PTPA: variants seen among roughly 807,000 people sequenced by gnomAD.
The protein encoded by PTPA is serine/threonine-protein phosphatase 2A activator.
PTPA carries 13 observed loss-of-function variants against 43.6 expected under a neutral mutation model. That is an observed-to-expected ratio of 0.30 (90% CI 0.19 to 0.47). The LOEUF (loss-of-function observed/expected upper bound fraction) is 0.47. Among genes scored for constraint, PTPA ranks in the 20% least tolerant of loss-of-function variants. PTPA has a pLI of 0.99. For missense variants in PTPA, 329 were observed against 411.9 expected, an observed-to-expected ratio of 0.80 and a Z score of 1.74; for synonymous variants, 172 against 158.2, an observed-to-expected ratio of 1.09 and a Z score of -0.66.
At chr9:129,123,830 T>G (rs1849409255) in intron 3 of PTPA, among the ~76,000 whole-genome samples, 2 of 151,952 alleles carry the variant, frequency 1.3e-5, no homozygotes, top group Non-Finnish European at 2.9e-5. Flanking sequence ...ATTACAGGCG[T>G]GTGCCACCAC....
chr9:129,117,307 G>A (rs1484984479), intron 1 of PTPA, among the ~76,000 whole-genome samples: 3 of 151,992 alleles, frequency 2.0e-5, no homozygotes, highest in Non-Finnish European at 4.4e-5. Flanking sequence ...TCGGCCTCCC[G>A]AAGTTTTGGG....
At position 129,138,175 on chromosome 9, in the gene PTPA, C is replaced by T. The variant is rs1379762848; in HGVS notation, c.786+483C>T. ...CTCTGTCAGTGCCTGAGGACGTGGGCCCGAGCAAAGTGCTGGAGTGGGAGT... is the reference window on the plus strand; with the variant it reads ...CTCTGTCAGTGCCTGAGGACGTGGGTCCGAGCAAAGTGCTGGAGTGGGAGT... On this transcript the variant is annotated intron_variant, in intron 8 of 9. Transcript: ENST00000393370. 5 of 215,598 alleles carry T rather than the reference C, an allele frequency of 2.3e-5. No homozygotes were observed. The East Asian group carries it at 4.3e-4, about 19-fold the overall frequency. The allele number at this position is 215,598 out of a possible 1,614,324, so 13.4% of individuals were successfully genotyped here. A position where few individuals can be genotyped will look rare whatever the true frequency, so the allele number is the denominator to read the frequency against.
At chr9:129,142,836 G>T in intron 9 of PTPA, 1 of 1,532,528 alleles carries the variant, frequency 6.5e-7, no homozygotes, top group Non-Finnish European at 8.7e-7. Flanking sequence ...GGGAGTGGGG[G>T]CGATGGGGGC....
At chr9:129,139,434 T>C (rs1303342709) in intron 8 of PTPA, 1 of 152,098 alleles carries the variant, frequency 6.6e-6, no homozygotes, top group Non-Finnish European at 1.5e-5. Context: ...TTCCGCACCT[T>C]CTCCACAGGT....
At chr9:129,135,134 C>T (rs1353991125) in intron 6 of PTPA, among the ~76,000 whole-genome samples, 5 of 152,208 alleles carry the variant, frequency 3.3e-5, no homozygotes. Context: ...GTGGCTCACG[C>T]CTGTAATCCC....
chr9:129,126,110 C>T (rs1165617561), intron 3 of PTPA, among the ~76,000 whole-genome samples: 8 of 151,970 alleles, frequency 5.3e-5, no homozygotes, highest in Admixed American at 5.2e-4. Flanking sequence ...GATGGTGCCA[C>T]TGCACTCCAG....
chr9:129,125,227 G>A (rs912431082), intron 3 of PTPA, among the ~76,000 whole-genome samples: 1 of 151,990 alleles, frequency 6.6e-6, no homozygotes, highest in Non-Finnish European at 1.5e-5. Flanking sequence ...ATTGCCCGTG[G>A]CTTTGATGGT....
At chr9:129,115,352 G>T (rs926882886) in intron 1 of PTPA, among the ~76,000 whole-genome samples, 1 of 152,106 alleles carries the variant, frequency 6.6e-6, no homozygotes, top group Non-Finnish European at 1.5e-5. Context: ...TCTCTTTCTG[G>T]GGCCTTGGTT....
At chr9:129,147,260 G>A in intron 9 of PTPA, 127 bp from the exon 10 acceptor site, 1 of 843,034 alleles carries the variant, frequency 1.2e-6, no homozygotes. Flanking sequence ...GGAAGGCCTG[G>A]GGGATCCCCT....
rs550044493 is a variant in PTPA at position 129,140,831 on chromosome 9, G to A, written c.787-1614G>A. ...AGGTGGGGGAGGGGCTGGGGGTGGAGTGTGGTTGAGCAGGGCAGTTGAAAC... is the reference window on the plus strand; with the variant it reads ...AGGTGGGGGAGGGGCTGGGGGTGGAATGTGGTTGAGCAGGGCAGTTGAAAC... On this transcript the variant is annotated intron_variant, in intron 8 of 9. Coordinates refer to ENST00000393370, the MANE Select transcript of PTPA (RefSeq NM_178000.3). Among the ~76,000 whole-genome samples, 3 of 152,136 alleles carry A rather than the reference G, an allele frequency of 2.0e-5. No homozygotes were observed. In the South Asian group the frequency reaches 6.2e-4, roughly 32 times the overall value.
intron 3 of PTPA, among the ~76,000 whole-genome samples, chr9:129,124,256 T>C (rs1849435413): frequency 6.6e-6 from 1 of 152,110 alleles, no homozygotes; most frequent in Admixed American, 6.5e-5. Context: ...GTTGCCCAGG[T>C]TGGTCTTGAA....
intron 9 of PTPA, among the ~76,000 whole-genome samples, chr9:129,145,438 A>C (rs1042343610): frequency 6.6e-6 from 1 of 152,124 alleles, no homozygotes; most frequent in Admixed American, 6.5e-5. Context: ...ATGGGCTGGC[A>C]TGTTGCCTAC....
intron 3 of PTPA, chr9:129,127,965 T>C (rs1849688622): frequency 7.5e-7 from 1 of 1,329,312 alleles, no homozygotes; most frequent in African/African-American, 1.5e-5. Context: ...TATATGTAGA[T>C]GTGGAATGAG....
intron 7 of PTPA, 85 bp downstream of exon 7, chr9:129,136,680 C>T (rs1452810011): frequency 7.1e-7 from 1 of 1,417,944 alleles, no homozygotes; most frequent in African/African-American, 1.4e-5. Flanking sequence ...GCGCTCCCTC[C>T]TTCCCTTCTT....
chr9:129,113,314 A>T (rs962577067), intron 1 of PTPA, among the ~76,000 whole-genome samples: 1 of 150,244 alleles, frequency 6.7e-6, no homozygotes, highest in South Asian at 2.1e-4. Context: ...CTGGTCTCGA[A>T]CTCCTGACCT....
At chr9:129,134,579 C>T (rs1850227069) in intron 5 of PTPA, among the ~76,000 whole-genome samples, 4 of 152,242 alleles carry the variant, frequency 2.6e-5, no homozygotes, top group African/African-American at 7.2e-5. Flanking sequence ...GCTGGGATTA[C>T]AGGCATGAGC....
At chr9:129,138,876 A>T (rs769423208) in intron 8 of PTPA, among the ~76,000 whole-genome samples, 1 of 152,170 alleles carries the variant, frequency 6.6e-6, no homozygotes, top group Non-Finnish European at 1.5e-5. Flanking sequence ...CCACCACTTC[A>T]TTCCCGGAGA....
intron 9 of PTPA, chr9:129,142,857 C>T (rs1850989844): frequency 3.3e-6 from 5 of 1,526,512 alleles, no homozygotes; most frequent in South Asian, 1.2e-5. Context: ...CTCCCTTCTC[C>T]TTTATCAAGT....
chr9:129,122,947 G>A, intron 2 of PTPA, 105 bp from the exon 3 acceptor site: 1 of 828,176 alleles, frequency 1.2e-6, no homozygotes, highest in Non-Finnish European at 2.0e-6. Context: ...GTCAGGAGAA[G>A]TAGAAAGCTC....
Sources: allele counts gnomAD v4.1 joint callset (sites outside exome capture counted in the v4.1 genomes callset), GRCh38; gene constraint gnomAD v4.1.1; transcripts MANE v1.5; gene names NCBI Gene and HGNC (gene_info 2026-07-23, HGNC 2026-07-21).